The following CAST variants were observed in gnomAD, a reference collection of about 807,000 sequenced individuals.
CAST encodes the protein calpastatin, also known as MIR583 host.
CAST carries 76 observed loss-of-function variants against 119.6 expected under a neutral mutation model. The ratio of observed to expected loss-of-function variants is 0.64; its 90% CI spans 0.53 to 0.77. The LOEUF (loss-of-function observed/expected upper bound fraction) is 0.77. Ranked by LOEUF, CAST falls within the 30% of genes least tolerant of loss-of-function variation. The pLI is 0.00. For synonymous variants in CAST, 319 were observed against 331.6 expected, an observed-to-expected ratio of 0.96 and a Z score of 0.41; for missense variants, 953 against 946.5, an observed-to-expected ratio of 1.01 and a Z score of -0.09.
In CAST at chr5:96,601,292, G is replaced by A. The variant is rs138915102; in HGVS notation, c.60+71412G>A. Reference sequence around the variant, plus strand: ...TCCTACTTTCTTTATTGAATGGCAGGTGACTTGAGCATTTCGTTTTTCGCC... The same window carrying A: ...TCCTACTTTCTTTATTGAATGGCAGATGACTTGAGCATTTCGTTTTTCGCC... On this transcript the variant is annotated intron_variant, in intron 1 of 11. Transcript: ENST00000505143. Among the ~76,000 whole-genome samples the A allele has an allele frequency of 7.9e-4, 120 of 152,296 alleles. 2 individuals are homozygous for A. In the East Asian group the frequency reaches 0.011, roughly 14 times the overall value.
At chr5:96,621,544 A>G (rs3853206) in intron 1 of CAST, among the ~76,000 whole-genome samples, 80,241 of 151,960 alleles carry the variant, frequency 0.53, 21,248 homozygotes, top group East Asian at 0.59. Context: ...GTGAAGGAGA[A>G]ACTGTCAGGC....
chr5:96,409,016 A>C, the CAST span, among the ~76,000 whole-genome samples: 3 of 152,166 alleles, frequency 2.0e-5, no homozygotes, highest in Non-Finnish European at 4.4e-5. Flanking sequence ...GTAAAATGCG[A>C]TTTATATTTT....
At chr5:96,223,578 C>T in the CAST span, among the ~76,000 whole-genome samples, 1 of 152,142 alleles carries the variant, frequency 6.6e-6, no homozygotes. Flanking sequence ...GGGACCATGG[C>T]CTTGCTGGCA....
the CAST span, among the ~76,000 whole-genome samples, chr5:96,153,702 G>GCTAT: frequency 6.6e-6 from 1 of 152,100 alleles, no homozygotes. Flanking sequence ...ACTTATCACT[G>GCTAT]CTATCAATCT....
the CAST span, among the ~76,000 whole-genome samples, chr5:96,077,177 A>G: frequency 6.6e-6 from 1 of 152,074 alleles, no homozygotes; most frequent in African/African-American, 2.4e-5. Context: ...TATCATAAAT[A>G]ACATTATATT....
intron 1 of CAST, among the ~76,000 whole-genome samples, chr5:96,561,379 A>C (rs1016270440): frequency 6.6e-6 from 1 of 151,550 alleles, no homozygotes; most frequent in Admixed American, 6.6e-5. Flanking sequence ...AAAGGAAAAT[A>C]AAAAAATTAA....
chr5:96,153,444 C>T, the CAST span, among the ~76,000 whole-genome samples: 1 of 152,188 alleles, frequency 6.6e-6, no homozygotes. Flanking sequence ...CTGGGCTGTC[C>T]TCTCTTCTGG....
the CAST span, among the ~76,000 whole-genome samples, chr5:96,047,992 T>A: frequency 1.3e-5 from 2 of 152,204 alleles, no homozygotes; most frequent in South Asian, 4.2e-4. Context: ...AATATAGAAC[T>A]GAAGGGAGGT....
chr5:96,435,268 C>T, the CAST span, among the ~76,000 whole-genome samples: 1 of 152,142 alleles, frequency 6.6e-6, no homozygotes, highest in Admixed American at 6.5e-5. Context: ...ATTAATGAGG[C>T]ATTTGTCTTA....
the CAST span, among the ~76,000 whole-genome samples, chr5:96,032,109 T>C: frequency 4.6e-5 from 7 of 152,184 alleles, no homozygotes; most frequent in African/African-American, 7.2e-5. Flanking sequence ...TCACTCTTTC[T>C]GTATTTTACT....
chr5:95,976,746 G>A, the CAST span, among the ~76,000 whole-genome samples: 1 of 152,266 alleles, frequency 6.6e-6, no homozygotes, highest in South Asian at 2.1e-4. Context: ...TTTAATCACT[G>A]TGAGATTATA....
the CAST span, among the ~76,000 whole-genome samples, chr5:96,197,153 G>A: frequency 6.6e-6 from 1 of 152,176 alleles, no homozygotes; most frequent in African/African-American, 2.4e-5. Context: ...CGGGTTAGGT[G>A]ATAGGTCAGG....
intron 25 of CAST, among the ~76,000 whole-genome samples, chr5:96,764,358 C>T (rs2150707758): frequency 6.6e-6 from 1 of 152,248 alleles, no homozygotes; most frequent in Non-Finnish European, 1.5e-5. Context: ...AAATAAGCTG[C>T]CTGAATCATA....
intron 1 of CAST, chr5:96,663,279 G>A: frequency 1.4e-6 from 1 of 699,458 alleles, no homozygotes; most frequent in Admixed American, 2.0e-5. Flanking sequence ...GGGTTTGGCG[G>A]GGAAGGGGTG....
intron 1 of CAST, among the ~76,000 whole-genome samples, chr5:96,556,287 C>G (rs946444011): frequency 6.6e-6 from 1 of 152,190 alleles, no homozygotes; most frequent in Non-Finnish European, 1.5e-5. Context: ...ACTGGAAACT[C>G]TAAAAAGCAG....
At chr5:96,547,703 G>A (rs906578618) in intron 1 of CAST, among the ~76,000 whole-genome samples, 5 of 152,168 alleles carry the variant, frequency 3.3e-5, no homozygotes, top group African/African-American at 1.2e-4. Flanking sequence ...GATTAAGTTT[G>A]CGATAGTCCA....
chr5:96,091,491 C>T, the CAST span, among the ~76,000 whole-genome samples: 1 of 145,842 alleles, frequency 6.9e-6, no homozygotes, highest in African/African-American at 2.5e-5. Context: ...AGGCATGAGC[C>T]ACCATGCCTG....
chr5:96,710,342 A>G lies in CAST; in HGVS notation c.211-12297A>G, dbSNP rs145399754. On this transcript the variant is annotated intron_variant, in intron 3 of 31. Transcript: ENST00000675179. ...AAAATGGTGGTCCTTTCAATGAGCC[A>G]CTACAAAGCCATCTTGTTTTAAATT... Among the ~76,000 whole-genome samples the G allele has an allele frequency of 1.1e-4, 17 of 152,320 alleles. No homozygotes were observed. The East Asian group carries it at 2.5e-3, about 22-fold the overall frequency.
At chr5:96,675,806 T>C (rs1409654439) in intron 2 of CAST, 4 of 475,578 alleles carry the variant, frequency 8.4e-6, no homozygotes, top group Non-Finnish European at 1.5e-5. Context: ...AGAGCCTGTA[T>C]GAATACTTTC....
Sources: allele counts gnomAD v4.1 joint callset (sites outside exome capture counted in the v4.1 genomes callset), GRCh38; gene constraint gnomAD v4.1.1; transcripts MANE v1.5; gene names NCBI Gene and HGNC (gene_info 2026-07-23, HGNC 2026-07-21).